SGCZ: variants seen among roughly 807,000 people sequenced by gnomAD.
SGCZ encodes sarcoglycan zeta.
Under a neutral mutation model 41.3 loss-of-function variants are expected in SGCZ, and 40 were observed. That is an observed-to-expected ratio of 0.97 (90% CI 0.75 to 1.26). The LOEUF (loss-of-function observed/expected upper bound fraction) is 1.26. SGCZ is among the 50% of genes most tolerant of loss of function. The pLI is 0.00. For missense variants in SGCZ, 552 were observed against 369.8 expected (o/e 1.49, Z -4.04); for synonymous variants, 206 against 137.5 (o/e 1.50, Z -3.49).
chr8:15,124,789 G>A (rs1234568096), intron 1 of SGCZ, among the ~76,000 whole-genome samples: 1 of 151,964 alleles, frequency 6.6e-6, no homozygotes, highest in African/African-American at 2.4e-5. Flanking sequence ...GCATTTTTGT[G>A]CAAATTCATC....
intron 3 of SGCZ, among the ~76,000 whole-genome samples, chr8:14,246,754 T>C (rs986125484): frequency 2.0e-4 from 30 of 150,792 alleles, no homozygotes; most frequent in African/African-American, 6.8e-4. Flanking sequence ...AAAAATACAA[T>C]AAGAAATTAG....
chr8:14,926,471 C>T (rs944818777), intron 1 of SGCZ, among the ~76,000 whole-genome samples: 11 of 151,576 alleles, frequency 7.3e-5, no homozygotes, highest in African/African-American at 2.2e-4. Context: ...ACATTTATCA[C>T]GTAAGCATCT....
At chr8:14,421,477 G>A (rs901901295) in intron 2 of SGCZ, among the ~76,000 whole-genome samples, 1 of 152,104 alleles carries the variant, frequency 6.6e-6, no homozygotes, top group Non-Finnish European at 1.5e-5. Context: ...TGATCTCCAT[G>A]ACAACTCCAA....
intron 1 of SGCZ, among the ~76,000 whole-genome samples, chr8:14,658,745 T>G (rs141547816): frequency 3.9e-5 from 6 of 152,282 alleles, no homozygotes; most frequent in Non-Finnish European, 8.8e-5. Flanking sequence ...TTTGTGTATT[T>G]GTTATTCGTT....
At chr8:14,713,455 T>C (rs964754009) in intron 1 of SGCZ, among the ~76,000 whole-genome samples, 2 of 152,110 alleles carry the variant, frequency 1.3e-5, no homozygotes, top group Non-Finnish European at 2.9e-5. Context: ...AAATAAATTA[T>C]TGAGCTAGGA....
chr8:14,531,313 G>A lies in SGCZ; in HGVS notation c.234+23419C>T, dbSNP rs568455928. Among the ~76,000 whole-genome samples, 64 of 151,772 alleles carry A rather than the reference G, an allele frequency of 4.2e-4. 1 individual carries two copies. The highest frequency in any genetic ancestry group is 1.5e-3 in the African/African-American group (62 of 41,426). On this transcript the variant is annotated intron_variant, in intron 2 of 7. Transcript: ENST00000382080. ...TCTCGGTGCTGAGAGCATTCTTCCT[G>A]TTGCTCAATAAAATTCTACTCTGCC...
At chr8:14,488,762 AGC>A (rs1254291566) in intron 2 of SGCZ, among the ~76,000 whole-genome samples, 1 of 138,526 alleles carries the variant, frequency 7.2e-6, no homozygotes. Flanking sequence ...CTTTTGTTTC[AGC>A]AGAGTTGAAT....
At chr8:14,893,310 ACT>A (rs1805083413) in intron 1 of SGCZ, among the ~76,000 whole-genome samples, 2 of 151,824 alleles carry the variant, frequency 1.3e-5, no homozygotes, top group Admixed American at 6.6e-5. Context: ...AAGGAAATAC[ACT>A]CTCTCCTACA....
intron 1 of SGCZ, among the ~76,000 whole-genome samples, chr8:14,915,138 T>C (rs1318910344): frequency 6.6e-6 from 1 of 152,216 alleles, no homozygotes; most frequent in African/African-American, 2.4e-5. Context: ...AAACTCTGGA[T>C]ATCTTCCCGT....
At chr8:14,250,260 G>T in intron 3 of SGCZ, among the ~76,000 whole-genome samples, 1 of 152,068 alleles carries the variant, frequency 6.6e-6, no homozygotes, top group African/African-American at 2.4e-5. Context: ...CATTGCAATT[G>T]TTGCAAAAAA....
At chr8:15,157,420 AG>A (rs1199543637) in intron 1 of SGCZ, among the ~76,000 whole-genome samples, 1,711 of 151,846 alleles carry the variant, frequency 0.011, 40 homozygotes, top group African/African-American at 0.038. Flanking sequence ...CCGTCTCTTA[AG>A]GGGGAAAAAA....
In SGCZ at chr8:14,181,439, CA is replaced by C. The variant is rs1349258245; in HGVS notation, c.425-16738del. Among the ~76,000 whole-genome samples the C allele has an allele frequency of 2.0e-5, 3 of 152,302 alleles. No individual in the cohort carries two copies. In the East Asian group the frequency reaches 5.8e-4, roughly 30 times the overall value. On this transcript the variant is annotated intron_variant, in intron 4 of 7. Coordinates refer to ENST00000382080, the MANE Select transcript of SGCZ (RefSeq NM_139167.4). The stretch of plus-strand genomic sequence containing the variant: ...AGACTCACTGGGGATTGCATCCACC[CA>C]GAGGTAGGTGGGCATCCCCCATCCC...
intron 1 of SGCZ, among the ~76,000 whole-genome samples, chr8:15,092,049 G>A (rs1021468738): frequency 6.6e-6 from 1 of 152,026 alleles, no homozygotes; most frequent in South Asian, 2.1e-4. Flanking sequence ...CACCGTGCCT[G>A]GCCACTCTAA....
At chr8:14,999,278 A>T (rs1347280326) in intron 1 of SGCZ, among the ~76,000 whole-genome samples, 2 of 152,220 alleles carry the variant, frequency 1.3e-5, no homozygotes, top group Non-Finnish European at 2.9e-5. Context: ...CAACTAAATA[A>T]GCTAGCAGTT....
intron 1 of SGCZ, among the ~76,000 whole-genome samples, chr8:14,998,143 C>T (rs776935181): frequency 2.0e-5 from 3 of 152,000 alleles, no homozygotes; most frequent in Non-Finnish European, 4.4e-5. Flanking sequence ...GTAGGTAGCA[C>T]GAAATCATCA....
intron 1 of SGCZ, among the ~76,000 whole-genome samples, chr8:14,671,106 T>C (rs1808087443): frequency 6.6e-6 from 1 of 152,220 alleles, no homozygotes; most frequent in South Asian, 2.1e-4. Context: ...ATATATGTAA[T>C]AGTTCCTCTG....
intron 2 of SGCZ, among the ~76,000 whole-genome samples, chr8:14,520,027 A>G (rs1383567915): frequency 6.6e-6 from 1 of 152,110 alleles, no homozygotes; most frequent in Non-Finnish European, 1.5e-5. Flanking sequence ...TAAAAATGAT[A>G]TATTTAACCA....
At chr8:14,222,326 T>C (rs1806225606) in intron 4 of SGCZ, among the ~76,000 whole-genome samples, 1 of 151,790 alleles carries the variant, frequency 6.6e-6, no homozygotes. Context: ...CCCACCACCA[T>C]ACCCAACTAA....
chr8:14,589,197 C>A (rs7000816), intron 1 of SGCZ, among the ~76,000 whole-genome samples: 1 of 151,584 alleles, frequency 6.6e-6, no homozygotes, highest in East Asian at 1.9e-4. Flanking sequence ...ATAAAAAAAA[C>A]GAGCTGGGTG....
Sources: gnomAD v4.1 joint callset for allele counts (sites outside exome capture counted in the v4.1 genomes callset) on GRCh38, gnomAD v4.1.1 for gene constraint, MANE v1.5 for transcripts, NCBI Gene and HGNC (gene_info 2026-07-23, HGNC 2026-07-21) for gene names.